Variants in EDA observed in about 807,000 individuals in gnomAD.
EDA encodes ectodysplasin A.
A neutral mutation model predicts 23.6 loss-of-function variants in EDA; 2 were observed. The ratio of observed to expected loss-of-function variants is 0.08; its 90% CI spans 0.03 to 0.27. The LOEUF (loss-of-function observed/expected upper bound fraction) is 0.27, where lower values mean the gene tolerates loss of function less well. Among genes scored for constraint, EDA ranks in the 10% least tolerant of loss-of-function variants. The pLI, the probability that EDA is intolerant of heterozygous loss-of-function variation, is 1.00. For missense variants in EDA, 229 were observed against 324.2 expected, an observed-to-expected ratio of 0.71 and a Z score of 2.26; for synonymous variants, 131 against 132.0, an observed-to-expected ratio of 0.99 and a Z score of 0.05.
chrX:69,616,697 G>C lies in EDA; in HGVS notation c.389G>C (p.Gly130Ala). 1 of 1,211,705 alleles carries C rather than the reference G, an allele frequency of 8.3e-7. No individual in the cohort carries two copies. The highest frequency in any genetic ancestry group is 1.8e-5 in the South Asian group (1 of 56,967). ...GCACTCCACTCTGACTCCCAGGACG[G>C]GCACCAGGTGAGTCACCTAGTAGGG... is the stretch of plus-strand genomic sequence containing the variant. ...EAALHSDSQDGHQMALLNFFF... is the reference protein window; with the variant it reads ...EAALHSDSQDAHQMALLNFFF... The change falls in exon 1 of 8, where the codon GGG becomes GCG. Residue 130 changes from glycine (G) to alanine (A), a missense_variant. By Grantham distance (60) the Gly-to-Ala change is moderately conservative. This residue lies in a region of EDA where 175 missense variants were observed against 281.8 expected (regional missense o/e 0.62). Transcript: ENST00000374552.
chrX:69,990,338 G>T (rs2019567384), intron 2 of EDA, among the ~76,000 whole-genome samples: 1 of 105,042 alleles, frequency 9.5e-6, no homozygotes, highest in Non-Finnish European at 1.9e-5. Context: ...CTGCTAGATT[G>T]GGGTAGGACT....
rs150842838 is a variant in EDA, at chrX:69,702,611, G to T, written c.396+85907G>T. On this transcript the variant is annotated intron_variant, in intron 1 of 7. Coordinates refer to ENST00000374552, the MANE Select transcript of EDA (RefSeq NM_001399.5). ...TAAAGGTGGTTGAGAGAGAGAGGAGGGGTGGACAGCAGTCTGCTGGATCCA... is the reference window on the plus strand; with the variant it reads ...TAAAGGTGGTTGAGAGAGAGAGGAGTGGTGGACAGCAGTCTGCTGGATCCA... Among the ~76,000 whole-genome samples the T allele has an allele frequency of 8.7e-3, 959 of 109,629 alleles. 9 individuals carry two copies. Among genetic ancestry groups the T allele is most frequent in the Non-Finnish European group, 0.013 (705 of 52,674 alleles).
chrX:69,919,818 G>A (rs1170193653), intron 1 of EDA, among the ~76,000 whole-genome samples: 1 of 111,732 alleles, frequency 8.9e-6, no homozygotes, highest in East Asian at 2.8e-4. Context: ...CAAGAAAAAA[G>A]ACACTAAAAA....
intron 1 of EDA, among the ~76,000 whole-genome samples, chrX:69,753,470 A>G (rs2013974553): frequency 9.0e-6 from 1 of 111,690 alleles, no homozygotes; most frequent in Admixed American, 9.5e-5. Flanking sequence ...GTTCTTTTAC[A>G]TTTGCTGAGG....
At chrX:69,926,626 A>G in intron 1 of EDA, among the ~76,000 whole-genome samples, 1 of 112,124 alleles carries the variant, frequency 8.9e-6, no homozygotes, top group African/African-American at 3.2e-5. Flanking sequence ...AGAAGAATGT[A>G]TATTTTGTTG....
chrX:69,775,916 A>C (rs886197524), intron 1 of EDA, among the ~76,000 whole-genome samples: 14 of 111,849 alleles, frequency 1.3e-4, no homozygotes, highest in Non-Finnish European at 2.6e-4. Context: ...TCATTACTTA[A>C]TTAACTGATC....
At chrX:69,730,547 C>T (rs928784837) in intron 1 of EDA, among the ~76,000 whole-genome samples, 2 of 111,885 alleles carry the variant, frequency 1.8e-5, no homozygotes, top group Non-Finnish European at 3.8e-5. Flanking sequence ...CATATTAAAT[C>T]CTTTCTAGTC....
chrX:69,712,136 CT>C (rs1473009272), intron 1 of EDA, among the ~76,000 whole-genome samples: 1 of 110,536 alleles, frequency 9.0e-6, no homozygotes, highest in Non-Finnish European at 1.9e-5. Context: ...GCATTTAGTG[CT>C]GTAAATTTCC....
At chrX:69,667,997 T>C (rs1933748014) in intron 1 of EDA, among the ~76,000 whole-genome samples, 1 of 112,420 alleles carries the variant, frequency 8.9e-6, no homozygotes, top group Admixed American at 9.4e-5. Context: ...TAGTCATCTC[T>C]TGTTAGGCCC....
intron 1 of EDA, among the ~76,000 whole-genome samples, chrX:69,816,837 T>C (rs897353854): frequency 3.6e-5 from 4 of 110,926 alleles, no homozygotes; most frequent in African/African-American, 1.3e-4. Flanking sequence ...AGGCCAACAT[T>C]CAAATTCAGA....
At chrX:69,967,672 TC>T (rs1198409837) in intron 2 of EDA, among the ~76,000 whole-genome samples, 6 of 112,182 alleles carry the variant, frequency 5.3e-5, no homozygotes, top group African/African-American at 1.6e-4. Flanking sequence ...AACTGCAAAG[TC>T]CTTCATGAAG....
chrX:70,020,104 T>A (rs1481275802), intron 2 of EDA, among the ~76,000 whole-genome samples: 2 of 111,936 alleles, frequency 1.8e-5, no homozygotes, highest in African/African-American at 6.5e-5. Context: ...AATATCACAT[T>A]AGGGAAGGCC....
chrX:69,741,410 A>C (rs941148092), intron 1 of EDA, among the ~76,000 whole-genome samples: 5 of 111,125 alleles, frequency 4.5e-5, no homozygotes, highest in Non-Finnish European at 7.6e-5. Context: ...AGTTCAGTGA[A>C]GTCTACTTTC....
chrX:69,711,147 A>G (rs1360720115), intron 1 of EDA, among the ~76,000 whole-genome samples: 9 of 111,191 alleles, frequency 8.1e-5, no homozygotes, highest in Non-Finnish European at 7.5e-5. Context: ...GATAGCTCTT[A>G]TTATTTTGAG....
intron 2 of EDA, among the ~76,000 whole-genome samples, chrX:69,992,867 G>T (rs2019607688): frequency 9.5e-6 from 1 of 104,958 alleles, no homozygotes; most frequent in Non-Finnish European, 2.0e-5. Flanking sequence ...TCTTCTTTAT[G>T]AAATCTTTCC....
At chrX:69,665,591 G>A (rs1349080294) in intron 1 of EDA, among the ~76,000 whole-genome samples, 2 of 111,060 alleles carry the variant, frequency 1.8e-5, no homozygotes, top group Admixed American at 9.7e-5. Flanking sequence ...TCTTGGTGCC[G>A]TTGTCACAAA....
intron 1 of EDA, among the ~76,000 whole-genome samples, chrX:69,695,339 T>A (rs1602304050): frequency 2.8e-5 from 3 of 109,033 alleles, no homozygotes; most frequent in South Asian, 3.9e-4. Context: ...AGAAGGAAAA[T>A]ATATATATAT....
At chrX:69,776,688 A>G (rs1340652643) in intron 1 of EDA, among the ~76,000 whole-genome samples, 3 of 111,294 alleles carry the variant, frequency 2.7e-5, no homozygotes, top group African/African-American at 9.8e-5. Context: ...TCATCTGCCT[A>G]TCTAGGAGAA....
intron 1 of EDA, among the ~76,000 whole-genome samples, chrX:69,934,951 C>A (rs754631015): frequency 2.7e-5 from 3 of 111,142 alleles, no homozygotes; most frequent in African/African-American, 9.8e-5. Flanking sequence ...CCACCCATTA[C>A]TACCCTTCCC....
Sources: allele counts gnomAD v4.1 joint callset (sites outside exome capture counted in the v4.1 genomes callset), GRCh38; gene constraint gnomAD v4.1.1; regional missense constraint gnomAD v4.1.1; transcripts MANE v1.5; gene names NCBI Gene and HGNC (gene_info 2026-07-23, HGNC 2026-07-21).